VPS26A: variants seen among roughly 807,000 people sequenced by gnomAD.
VPS26A encodes the protein VPS26 retromer complex component A.
A neutral mutation model predicts 42.4 loss-of-function variants in VPS26A; 22 were observed. That is an observed-to-expected ratio of 0.52 (90% CI 0.37 to 0.74). The LOEUF (loss-of-function observed/expected upper bound fraction) is 0.74. Among genes scored for constraint, VPS26A ranks in the 30% least tolerant of loss-of-function variants. The probability of loss-of-function intolerance (pLI) is 0.00; values close to 1 mark genes in which losing one functional copy is unlikely to be tolerated. For synonymous variants in VPS26A, 110 were observed against 123.5 expected (o/e 0.89, Z 0.73); for missense variants, 276 against 379.2 (o/e 0.73, Z 2.26).
chr10:69,138,352 G>A (rs1840966939), intron 2 of VPS26A, among the ~76,000 whole-genome samples: 1 of 152,152 alleles, frequency 6.6e-6, no homozygotes, highest in Non-Finnish European at 1.5e-5. Context: ...GTTTTGTGTG[G>A]ACCTATATTT....
At chr10:69,136,661 T>G (rs1840919197) in intron 2 of VPS26A, among the ~76,000 whole-genome samples, 1 of 152,200 alleles carries the variant, frequency 6.6e-6, no homozygotes, top group Non-Finnish European at 1.5e-5. Context: ...TTCTGTCATT[T>G]TGTTTTTACT....
chr10:69,163,789 G>A (rs1331191575), intron 6 of VPS26A, among the ~76,000 whole-genome samples: 16 of 141,344 alleles, frequency 1.1e-4, no homozygotes, highest in East Asian at 6.1e-4. Flanking sequence ...TTTTTGAGAC[G>A]GAGTCTCGCT....
intron 2 of VPS26A, among the ~76,000 whole-genome samples, chr10:69,152,496 C>G (rs1841335731): frequency 6.6e-6 from 1 of 151,906 alleles, no homozygotes; most frequent in African/African-American, 2.4e-5. Flanking sequence ...ATTTTGAAGG[C>G]AAGTAACTAA....
Position 69,171,348 on chromosome 10 carries a change from A to G in VPS26A, c.*79A>G. 1.5e-6 allele frequency: 2 copies of G among 1,353,308 alleles called. No homozygotes were observed. The highest frequency in any genetic ancestry group is 2.1e-6 in the Non-Finnish European group (2 of 973,546). 83.8% of individuals were successfully genotyped at this position (1,353,308 alleles called of 1,614,324 possible). A position where few individuals can be genotyped will look rare whatever the true frequency, so the allele number is the denominator to read the frequency against. On this transcript the variant is annotated 3_prime_UTR_variant, in exon 9 of 9. Transcript: ENST00000263559. ...AGTTCAGCAGGTTAAAGATGGTTGC[A>G]GCTGGAGGGGGCGGAAAAAGGCCAA...
At chr10:69,131,953 C>G (rs1245907418) in intron 1 of VPS26A, among the ~76,000 whole-genome samples, 2 of 152,030 alleles carry the variant, frequency 1.3e-5, no homozygotes, top group African/African-American at 4.8e-5. Context: ...GATCTTTGTC[C>G]CTTATATTTG....
intron 2 of VPS26A, among the ~76,000 whole-genome samples, chr10:69,137,882 T>TATATATATATATATATA (rs1564675546): frequency 2.0e-5 from 3 of 151,288 alleles, no homozygotes; most frequent in Admixed American, 6.6e-5. Flanking sequence ...TATATATATA[T>TATATATATATATATATA]TCGCCATAAA....
intron 1 of VPS26A, among the ~76,000 whole-genome samples, chr10:69,130,649 TA>T (rs577955560): frequency 2.6e-5 from 4 of 152,062 alleles, no homozygotes; most frequent in African/African-American, 9.7e-5. Context: ...TGCTCAGTTA[TA>T]AAAAAAACAG....
chr10:69,140,287 T>C (rs1841014407), intron 2 of VPS26A, among the ~76,000 whole-genome samples: 1 of 152,174 alleles, frequency 6.6e-6, no homozygotes, highest in Admixed American at 6.5e-5. Context: ...TTGCTCAGGC[T>C]GGTCTCAAAC....
At chr10:69,158,334 T>C in intron 5 of VPS26A, 123 bp downstream of exon 5, 1 of 837,954 alleles carries the variant, frequency 1.2e-6, no homozygotes, top group Non-Finnish European at 1.7e-6. Flanking sequence ...ATCAACAGGA[T>C]CTCTGAGCTA....
intron 1 of VPS26A, 151 bp from the exon 2 acceptor site, chr10:69,132,747 A>T (rs1040215661): frequency 3.7e-6 from 3 of 805,360 alleles, no homozygotes; most frequent in Non-Finnish European, 5.4e-6. Flanking sequence ...CCGGCCTTTG[A>T]TGTAGCATTT....
At chr10:69,159,781 C>G (rs1257156058) in intron 5 of VPS26A, among the ~76,000 whole-genome samples, 2 of 152,160 alleles carry the variant, frequency 1.3e-5, no homozygotes, top group African/African-American at 4.8e-5. Flanking sequence ...CCCTAATTGG[C>G]TCACAGATAT....
intron 4 of VPS26A, 31 bp from the exon 5 acceptor site, chr10:69,158,016 T>G (rs1388190425): frequency 5.2e-6 from 8 of 1,551,402 alleles, no homozygotes; most frequent in Non-Finnish European, 7.0e-6. Flanking sequence ...CACAGGTGAT[T>G]TAACTCATCG....
chr10:69,144,566 C>T (rs866902254), intron 2 of VPS26A, among the ~76,000 whole-genome samples: 16 of 152,266 alleles, frequency 1.1e-4, no homozygotes, highest in South Asian at 8.3e-4. Flanking sequence ...TTTCATTTAG[C>T]AATATTCTTT....
chr10:69,145,731 T>C (rs1430567545), intron 2 of VPS26A, among the ~76,000 whole-genome samples: 2 of 150,776 alleles, frequency 1.3e-5, no homozygotes, highest in African/African-American at 4.8e-5. Flanking sequence ...CTTTTCTTTT[T>C]TTTTTTTAAA....
chr10:69,158,330 AG>A (rs1407671381), intron 5 of VPS26A, 119 bp downstream of exon 5: 1 of 856,660 alleles, frequency 1.2e-6, no homozygotes, highest in African/African-American at 1.8e-5. Flanking sequence ...ACAAATCAAC[AG>A]GATCTCTGAG....
intron 8 of VPS26A, among the ~76,000 whole-genome samples, chr10:69,170,547 C>G (rs904073688): frequency 2.0e-5 from 3 of 152,074 alleles, no homozygotes; most frequent in Admixed American, 2.0e-4. Context: ...GATTTGAAGA[C>G]TGGGGAAGAT....
intron 5 of VPS26A, among the ~76,000 whole-genome samples, 173 bp downstream of exon 5, chr10:69,158,384 A>G (rs1841479378): frequency 6.6e-6 from 1 of 152,160 alleles, no homozygotes; most frequent in Non-Finnish European, 1.5e-5. Flanking sequence ...CCACTCAGTA[A>G]AGGTGTCTTT....
intron 2 of VPS26A, among the ~76,000 whole-genome samples, chr10:69,150,141 C>T (rs973367169): frequency 4.6e-5 from 7 of 151,476 alleles, no homozygotes; most frequent in Admixed American, 6.6e-5. Context: ...GCAAACTGTG[C>T]CTCCCGGGTT....
intron 1 of VPS26A, among the ~76,000 whole-genome samples, chr10:69,132,337 T>A (rs1049825210): frequency 3.0e-5 from 3 of 98,646 alleles, no homozygotes; most frequent in Non-Finnish European, 7.8e-5. Context: ...GAAATTTGTT[T>A]AGGGTTTTTT....
Sources: allele counts gnomAD v4.1 joint callset (sites outside exome capture counted in the v4.1 genomes callset), GRCh38; gene constraint gnomAD v4.1.1; transcripts MANE v1.5; gene names NCBI Gene and HGNC (gene_info 2026-07-23, HGNC 2026-07-21).